Variants in ZNF385D observed in about 807,000 individuals in gnomAD.
ZNF385D encodes the protein zinc finger protein 385D, also known as zinc finger protein 659.
Under a neutral mutation model 35.8 loss-of-function variants are expected in ZNF385D, and 15 were observed. That is an observed-to-expected ratio of 0.42 (90% CI 0.28 to 0.64). The LOEUF (loss-of-function observed/expected upper bound fraction) is 0.64, where lower values mean the gene tolerates loss of function less well. Ranked by LOEUF, ZNF385D falls within the 30% of genes least tolerant of loss-of-function variation. The pLI, the probability that ZNF385D is intolerant of heterozygous loss-of-function variation, is 0.23. For synonymous variants in ZNF385D, 212 were observed against 186.8 expected (o/e 1.13, Z -1.10); for missense variants, 474 against 494.6 (o/e 0.96, Z 0.39).
At chr3:21,852,170 A>G (rs1036571480) in intron 3 of ZNF385D, among the ~76,000 whole-genome samples, 1 of 152,046 alleles carries the variant, frequency 6.6e-6, no homozygotes, top group East Asian at 1.9e-4. Flanking sequence ...TTGTTAAACA[A>G]TTAAAAATTG....
At chr3:22,284,851 A>T (rs1286919972) in intron 2 of ZNF385D, among the ~76,000 whole-genome samples, 4 of 152,192 alleles carry the variant, frequency 2.6e-5, no homozygotes, top group Non-Finnish European at 5.9e-5. Flanking sequence ...ATCCTTTCTG[A>T]GGAAGTCTAT....
chr3:21,889,956 C>T (rs745972977), intron 3 of ZNF385D, among the ~76,000 whole-genome samples: 10 of 151,794 alleles, frequency 6.6e-5, no homozygotes, highest in South Asian at 2.1e-4. Flanking sequence ...CCTGTGTGTG[C>T]GTGTGCCTGT....
At chr3:21,913,529 T>C (rs936978035) in intron 3 of ZNF385D, among the ~76,000 whole-genome samples, 1 of 152,122 alleles carries the variant, frequency 6.6e-6, no homozygotes, top group Non-Finnish European at 1.5e-5. Context: ...AATATTCCAA[T>C]ATAAAAGTGG....
At chr3:21,920,551 C>T (rs982986205) in intron 3 of ZNF385D, among the ~76,000 whole-genome samples, 1 of 148,044 alleles carries the variant, frequency 6.8e-6, no homozygotes, top group Admixed American at 6.7e-5. Context: ...TAAGCAAGCC[C>T]TGAAAGTGAC....
intron 3 of ZNF385D, among the ~76,000 whole-genome samples, chr3:22,144,572 CAAAAAAAAAAAAAAAA>C (rs10536394): frequency 1.2e-4 from 8 of 67,550 alleles, no homozygotes; most frequent in South Asian, 9.3e-4. Flanking sequence ...GACTCCATTT[CAAAAAAAAAAAAAAAA>C]AAAAAAAAAA....
intron 3 of ZNF385D, among the ~76,000 whole-genome samples, chr3:21,550,774 C>G (rs901819590): frequency 4.6e-5 from 7 of 152,160 alleles, no homozygotes; most frequent in African/African-American, 1.7e-4. Context: ...CGCCACCACT[C>G]CCAGCTGATC....
intron 3 of ZNF385D, among the ~76,000 whole-genome samples, chr3:22,168,304 A>T (rs901889086): frequency 2.6e-5 from 4 of 152,046 alleles, no homozygotes; most frequent in African/African-American, 9.7e-5. Flanking sequence ...TACTTTTAAA[A>T]AGTAGTCTAA....
chr3:22,253,199 A>G (rs1009156425), intron 2 of ZNF385D, among the ~76,000 whole-genome samples: 4 of 151,992 alleles, frequency 2.6e-5, no homozygotes, highest in African/African-American at 9.7e-5. Flanking sequence ...GAAAAATACT[A>G]AGTTTGAGGG....
chr3:22,262,950 T>G (rs1163793386), intron 2 of ZNF385D, among the ~76,000 whole-genome samples: 2 of 151,882 alleles, frequency 1.3e-5, no homozygotes. Flanking sequence ...AGTCCTTTCT[T>G]CTACTGATAT....
chr3:21,588,143 C>T (rs1407921854), intron 2 of ZNF385D, among the ~76,000 whole-genome samples: 1 of 152,056 alleles, frequency 6.6e-6, no homozygotes, highest in Non-Finnish European at 1.5e-5. Flanking sequence ...TACCACAGAA[C>T]ACGATATTAT....
In ZNF385D at chr3:21,450,476, C is replaced by A. The variant is rs151084091; in HGVS notation, c.440-13273G>T. On this transcript the variant is annotated intron_variant, in intron 4 of 7. Transcript: ENST00000281523. ...TAATTGAGGACATTTCCAGAGAAGG[C>A]TAATTAAAAACTTTTTTCAAGTTGC... Among the ~76,000 whole-genome samples, 86 of 152,184 alleles carry A rather than the reference C, an allele frequency of 5.7e-4. 1 individual carries two copies. The highest frequency in any genetic ancestry group is 1.9e-3 in the African/African-American group (81 of 41,548).
At chr3:21,706,611 T>A (rs1471039954) in intron 1 of ZNF385D, among the ~76,000 whole-genome samples, 1 of 152,148 alleles carries the variant, frequency 6.6e-6, no homozygotes, top group East Asian at 1.9e-4. Flanking sequence ...CCATCAGAAG[T>A]GATCAAGGAC....
In ZNF385D at chr3:21,540,879, G is replaced by A. The variant is rs936289130; in HGVS notation, c.276+23695C>T. On this transcript the variant is annotated intron_variant, in intron 3 of 7. Transcript: ENST00000281523. ...CGTTTCTCTTCAACTCCCTCCTCAC[G>A]AGGTAAGACTTCCCCAAACGACTGC... is the stretch of plus-strand genomic sequence containing the variant. 1.1e-4 allele frequency among the ~76,000 whole-genome samples: 16 copies of A among 152,042 alleles called. No homozygotes were observed. The East Asian group carries it at 1.3e-3, about 13-fold the overall frequency.
At chr3:21,910,650 G>A (rs1361258592) in intron 3 of ZNF385D, among the ~76,000 whole-genome samples, 1 of 151,724 alleles carries the variant, frequency 6.6e-6, no homozygotes, top group Non-Finnish European at 1.5e-5. Context: ...ATAATTGTGT[G>A]AATGAACAGA....
chr3:22,284,507 TTAA>T (rs1294949835), intron 2 of ZNF385D, among the ~76,000 whole-genome samples: 1 of 152,048 alleles, frequency 6.6e-6, no homozygotes, highest in East Asian at 1.9e-4. Context: ...AGGATTTTTT[TTAA>T]TGACCCAAAT....
chr3:21,947,678 A>T (rs974230486), intron 3 of ZNF385D, among the ~76,000 whole-genome samples: 1 of 152,138 alleles, frequency 6.6e-6, no homozygotes, highest in Non-Finnish European at 1.5e-5. Flanking sequence ...GGTCATTTGC[A>T]TGACTATTTT....
intron 3 of ZNF385D, among the ~76,000 whole-genome samples, chr3:21,522,954 G>T (rs994836412): frequency 3.3e-5 from 5 of 152,128 alleles, no homozygotes; most frequent in African/African-American, 9.7e-5. Context: ...AGTTGTCCTT[G>T]GTAGGATTTT....
At chr3:21,904,596 C>T (rs1426818223) in intron 3 of ZNF385D, among the ~76,000 whole-genome samples, 2 of 152,066 alleles carry the variant, frequency 1.3e-5, no homozygotes, top group Non-Finnish European at 1.5e-5. Flanking sequence ...AGGGCCTAGC[C>T]TAGATAAAGC....
At chr3:21,587,536 T>G (rs1302448023) in intron 2 of ZNF385D, among the ~76,000 whole-genome samples, 1 of 152,206 alleles carries the variant, frequency 6.6e-6, no homozygotes, top group African/African-American at 2.4e-5. Context: ...TAGAAGGATG[T>G]GTAGACAAGG....
Sources: gnomAD v4.1 joint callset for allele counts (sites outside exome capture counted in the v4.1 genomes callset) on GRCh38, gnomAD v4.1.1 for gene constraint, MANE v1.5 for transcripts, NCBI Gene and HGNC (gene_info 2026-07-23, HGNC 2026-07-21) for gene names.